CDKN1A: variants seen among roughly 807,000 people sequenced by gnomAD.
CDKN1A encodes the protein cyclin dependent kinase inhibitor 1A.
A neutral mutation model predicts 14.8 loss-of-function variants in CDKN1A; 14 were observed. That is an observed-to-expected ratio of 0.94 (90% confidence interval 0.62 to 1.48). The LOEUF (loss-of-function observed/expected upper bound fraction) is 1.48. CDKN1A is among the 40% of genes most tolerant of loss of function. CDKN1A has a pLI of 0.00. For synonymous variants in CDKN1A, 92 were observed against 93.5 expected (o/e 0.98, Z 0.09); for missense variants, 203 against 231.7 (o/e 0.88, Z 0.80).
intron 2 of CDKN1A, among the ~76,000 whole-genome samples, chr6:36,685,488 C>T (rs1242800551): frequency 1.3e-5 from 2 of 152,198 alleles, no homozygotes; most frequent in East Asian, 1.9e-4. Context: ...GTAGTGGTTC[C>T]TCTGCTGGGC....
chr6:36,677,897 C>A (rs1387864387), upstream of CDKN1A: 2 of 1,362,856 alleles, frequency 1.5e-6, no homozygotes, highest in Admixed American at 2.2e-5. Context: ...TCCTGGCCAA[C>A]AAAGCTGCTG....
intron 1 of CDKN1A, among the ~76,000 whole-genome samples, chr6:36,681,301 T>TTTC (rs1761951276): frequency 8.3e-6 from 1 of 120,344 alleles, no homozygotes; most frequent in Non-Finnish European, 1.8e-5. Context: ...TCTTTCTTTC[T>TTTC]TTCTTTCTTT....
chr6:36,681,346 C>CT (rs1562038228), intron 1 of CDKN1A, among the ~76,000 whole-genome samples: 1 of 110,136 alleles, frequency 9.1e-6, no homozygotes, highest in Non-Finnish European at 1.9e-5. Flanking sequence ...TTCTTTCTTT[C>CT]TTTCTTTTTC....
In CDKN1A at chr6:36,684,112, C is replaced by A. The variant is rs4986866; in HGVS notation, c.11C>A (p.Pro4Gln). Residue 4 changes from proline to glutamine, a missense_variant, in exon 2 of 3, where the codon CCG becomes CAG. Physicochemically the swap from Pro to Gln is moderately conservative, Grantham distance 76. Coordinates refer to ENST00000244741, the MANE Select transcript of CDKN1A (RefSeq NM_000389.5). The surrounding 1 kb of genome is among the most constrained non-coding windows in gnomAD (Gnocchi z 6.0). MSE[P>Q]AGDVRQNPCG... ...TCTGCTGCAGGCGCCATGTCAGAAC[C>A]GGCTGGGGATGTCCGTCAGAACCCA... 9 of 1,613,392 alleles carry A rather than the reference C, an allele frequency of 5.6e-6. No homozygotes were observed. Among genetic ancestry groups the A allele is most frequent in the Admixed American group, 3.3e-5 (2 of 60,024 alleles).
Position 36,684,093 on chromosome 6 carries a change from G to C in CDKN1A, c.-5-4G>C, listed in dbSNP as rs1422917913. The C allele has an allele frequency of 6.2e-7, 1 of 1,613,110 alleles. No homozygotes were observed. The highest frequency in any genetic ancestry group is 1.7e-5 in the Admixed American group (1 of 59,996). On this transcript the variant is annotated splice_region_variant and splice_polypyrimidine_tract_variant and intron_variant, in intron 1 of 2. Transcript: ENST00000244741. This position sits in a 1 kb window ranked among gnomAD's most constrained non-coding sequence, Gnocchi z 6.0. ...CCAGGGCCTTCCTTGTATCTCTGCTGCAGGCGCCATGTCAGAACCGGCTGG... is the reference window on the plus strand; with the variant it reads ...CCAGGGCCTTCCTTGTATCTCTGCTCCAGGCGCCATGTCAGAACCGGCTGG...
intron 1 of CDKN1A, among the ~76,000 whole-genome samples, chr6:36,683,470 T>C (rs980056103): frequency 6.6e-6 from 1 of 152,246 alleles, no homozygotes; most frequent in African/African-American, 2.4e-5. Flanking sequence ...GCCCCATTTA[T>C]GGATGAGGAA....
At chr6:36,678,703 C>G (rs1761777344), upstream of CDKN1A, 1 of 985,406 alleles carries the variant, frequency 1.0e-6, no homozygotes, top group Non-Finnish European at 1.2e-6. This position sits in a 1 kb window ranked among gnomAD's most constrained non-coding sequence, Gnocchi z 5.7. Context: ...CCGCGCTGAG[C>G]TGCGCCAGCT....
chr6:36,678,182 G>T, upstream of CDKN1A: 1 of 343,472 alleles, frequency 2.9e-6, no homozygotes, highest in East Asian at 7.1e-5. This position sits in a 1 kb window ranked among gnomAD's most constrained non-coding sequence, Gnocchi z 5.7. Flanking sequence ...TTCTGGGAGA[G>T]GTGACCTAGT....
chr6:36,681,404 T>TCTTTCTTC lies in CDKN1A; in HGVS notation c.-6+2609_-6+2610insTCTTCCTT, dbSNP rs1242277678. On this transcript the variant is annotated intron_variant, in intron 1 of 2. Transcript: ENST00000244741. Reference sequence around the variant, plus strand: ...TTCTTTCTTTCTTTCTTTCTTTCTTTCTTCCTTTCTCTTTCTCTCTTTCTT... The same window carrying TCTTTCTTC: ...TTCTTTCTTTCTTTCTTTCTTTCTTTCTTTCTTCCTTCCTTTCTCTTTCTCTCTTTCTT... Among the ~76,000 whole-genome samples the TCTTTCTTC allele has an allele frequency of 1.3e-4, 12 of 90,412 alleles. No homozygotes were observed. The East Asian group carries it at 4.1e-3, about 31-fold the overall frequency. The allele number at this position is 90,412 out of a possible 152,430, so 59.3% of individuals were successfully genotyped here.
chr6:36,676,936 A>G (rs543705608), upstream of CDKN1A, among the ~76,000 whole-genome samples: 3 of 152,234 alleles, frequency 2.0e-5, no homozygotes, highest in Non-Finnish European at 4.4e-5. Context: ...GCTCAGTACC[A>G]CAAAAATTTA....
chr6:36,678,772 G>GCCGAGGCA lies in CDKN1A; in HGVS notation c.-22_-15dup, dbSNP rs1170676375. On this transcript the variant is annotated 5_prime_UTR_variant, in exon 1 of 3. Transcript: ENST00000244741. This position sits in a 1 kb window ranked among gnomAD's most constrained non-coding sequence, Gnocchi z 5.7. ...TGGAGCCGGAGCTGGGCGCGGATTC[G>GCCGAGGCA]CCGAGGCACCGAGGCACTCAGAGGA... 1.0e-6 allele frequency: 1 copy of GCCGAGGCA among 985,776 alleles called. No individual in the cohort carries two copies. Among genetic ancestry groups the GCCGAGGCA allele is most frequent in the African/African-American group, 1.7e-5 (1 of 57,378 alleles). The allele number at this position is 985,776 out of a possible 1,614,324, so 61.1% of individuals were successfully genotyped here.
chr6:36,680,271 G>A (rs1185297147), intron 1 of CDKN1A, among the ~76,000 whole-genome samples: 2 of 148,784 alleles, frequency 1.3e-5, no homozygotes, highest in Admixed American at 6.7e-5. Flanking sequence ...GGAGGGGCCG[G>A]CTCCCGGCGC....
chr6:36,686,973 G>A lies in CDKN1A; in HGVS notation c.*1173G>A, dbSNP rs1762230336. 4.3e-6 allele frequency: 1 copy of A among 233,680 alleles called. No individual in the cohort carries two copies. Among genetic ancestry groups the A allele is most frequent in the African/African-American group, 2.2e-5 (1 of 45,344 alleles). The allele number at this position is 233,680 out of a possible 1,614,324, so 14.5% of individuals were successfully genotyped here. ...GCACTTTGATTAGCAGCGGAACAAG[G>A]AGTCAGACATTTTAAGATGGTGGCA... On this transcript the variant is annotated 3_prime_UTR_variant, in exon 3 of 3. Coordinates refer to ENST00000244741, the MANE Select transcript of CDKN1A (RefSeq NM_000389.5). This position sits in a 1 kb window ranked among gnomAD's most constrained non-coding sequence, Gnocchi z 4.9.
chr6:36,682,994 C>T (rs557000193), intron 1 of CDKN1A, among the ~76,000 whole-genome samples: 18 of 152,198 alleles, frequency 1.2e-4, no homozygotes, highest in Non-Finnish European at 1.8e-4. Context: ...CTAGGCCACC[C>T]GCCTGACGAC....
chr6:36,677,793 C>A, upstream of CDKN1A: 1 of 1,071,242 alleles, frequency 9.3e-7, no homozygotes, highest in Non-Finnish European at 1.3e-6. Context: ...GTTAGGTCAC[C>A]AGACTTCTCT....
rs1182345418 is a variant in CDKN1A, at chr6:36,684,883, G to A, written c.445+337G>A. 6.6e-6 allele frequency among the ~76,000 whole-genome samples: 1 copy of A among 152,232 alleles called. No homozygotes were observed. Among genetic ancestry groups the A allele is most frequent in the African/African-American group, 2.4e-5 (1 of 41,456 alleles). ...TCTTAACTCTGTTGGCCAGACTGGA[G>A]TGCAGTGATACGATCATGGCTCACT... On this transcript the variant is annotated intron_variant, in intron 2 of 2. Coordinates refer to ENST00000244741, the MANE Select transcript of CDKN1A (RefSeq NM_000389.5). This position sits in a 1 kb window ranked among gnomAD's most constrained non-coding sequence, Gnocchi z 6.0.
rs138747021 is a variant in CDKN1A, at chr6:36,684,266, C to T, written c.165C>T (p.Thr55=). 400 of 1,612,900 alleles carry T rather than the reference C, an allele frequency of 2.5e-4. 1 individual carries two copies. The African/African-American group carries it at 4.7e-3, about 19-fold the overall frequency. ...AGCGATGGAACTTCGACTTTGTCAC[C>T]GAGACACCACTGGAGGGTGACTTCG... ...ARERWNFDFV[T]ETPLEGDFAW... is the part of the protein sequence containing the mutation. The change falls in exon 2 of 3, where the codon ACC becomes ACT. Residue 55 remains threonine, a synonymous_variant. Transcript: ENST00000244741. This position sits in a 1 kb window ranked among gnomAD's most constrained non-coding sequence, Gnocchi z 6.0.
chr6:36,680,743 G>A (rs1202382673), intron 1 of CDKN1A: 1 of 152,150 alleles, frequency 6.6e-6, no homozygotes, highest in African/African-American at 2.4e-5. Flanking sequence ...CCCCTTCAAA[G>A]GAGCACTCCT....
At chr6:36,677,843 G>T, upstream of CDKN1A, 1 of 1,362,968 alleles carries the variant, frequency 7.3e-7, no homozygotes, top group Middle Eastern at 1.9e-4. Flanking sequence ...GGCTATGTGG[G>T]GAGTATTCAG....
Sources: allele counts gnomAD v4.1 joint callset (sites outside exome capture counted in the v4.1 genomes callset), GRCh38; gene constraint gnomAD v4.1.1; non-coding constraint Gnocchi (gnomAD v3.1); transcripts MANE v1.5; gene names NCBI Gene and HGNC (gene_info 2026-07-23, HGNC 2026-07-21).